Variants in SPIDR observed in about 807,000 individuals in gnomAD.
The protein encoded by SPIDR is DNA repair-scaffolding protein.
Under a neutral mutation model 104.6 loss-of-function variants are expected in SPIDR, and 93 were observed. The observed-to-expected ratio is 0.89, with a 90% CI of 0.75 to 1.06. The LOEUF is 1.06. SPIDR is among the 50% of genes least tolerant of loss of function. SPIDR has a pLI of 0.00. For missense variants in SPIDR, 1,154 were observed against 1,111.2 expected (o/e 1.04, Z -0.55); for synonymous variants, 431 against 416.9 (o/e 1.03, Z -0.41).
intron 5 of SPIDR, among the ~76,000 whole-genome samples, chr8:47,382,937 T>C (rs1331538219): frequency 6.6e-6 from 1 of 152,194 alleles, no homozygotes; most frequent in Non-Finnish European, 1.5e-5. Flanking sequence ...GACTGCCCAG[T>C]ATTACAGATT....
At chr8:47,410,791 T>G (rs1376876141) in intron 7 of SPIDR, among the ~76,000 whole-genome samples, 2 of 152,140 alleles carry the variant, frequency 1.3e-5, no homozygotes, top group Non-Finnish European at 2.9e-5. Flanking sequence ...ATATATCTCC[T>G]AATGTTATCC....
chr8:47,493,140 T>A (rs1487782073), intron 8 of SPIDR, among the ~76,000 whole-genome samples: 3 of 151,982 alleles, frequency 2.0e-5, no homozygotes, highest in African/African-American at 7.2e-5. Context: ...TATACATAGG[T>A]TTGTTCTATC....
In SPIDR at chr8:47,592,071, A is replaced by G; in HGVS notation, c.1098-3740A>G. ...CAGTAATGTTTCTAAGACTGTGTCC[A>G]TTAAATGCAAACAAAAAGGAGGAAG... On this transcript the variant is annotated intron_variant, in intron 8 of 19. Transcript: ENST00000297423. The G allele has an allele frequency of 2.6e-6, 3 of 1,142,270 alleles. No homozygotes were observed. The South Asian group carries it at 3.9e-5, about 15-fold the overall frequency. The allele number at this position is 1,142,270 out of a possible 1,614,324, so 70.8% of individuals were successfully genotyped here. A position where few individuals can be genotyped will look rare whatever the true frequency, so the allele number is the denominator to read the frequency against.
At chr8:47,416,287 C>T (rs760450982) in intron 7 of SPIDR, among the ~76,000 whole-genome samples, 1 of 152,044 alleles carries the variant, frequency 6.6e-6, no homozygotes, top group Non-Finnish European at 1.5e-5. Context: ...TAGTTTATAA[C>T]CTTTTGGGAT....
intron 10 of SPIDR, among the ~76,000 whole-genome samples, chr8:47,601,179 A>G (rs2062230164): frequency 6.6e-6 from 1 of 152,348 alleles, no homozygotes. Flanking sequence ...CAAGAAAACA[A>G]CATCCAGTTA....
At chr8:47,412,392 C>T (rs374232340) in intron 7 of SPIDR, among the ~76,000 whole-genome samples, 3 of 152,324 alleles carry the variant, frequency 2.0e-5, no homozygotes, top group East Asian at 3.9e-4. Flanking sequence ...TTGAATGCCA[C>T]AGGGACCATG....
intron 8 of SPIDR, among the ~76,000 whole-genome samples, chr8:47,588,127 G>C (rs2060523136): frequency 7.9e-6 from 1 of 126,330 alleles, no homozygotes; most frequent in African/African-American, 3.0e-5. Context: ...TGGAATTGAT[G>C]GGAATTTCTT....
chr8:47,729,191 C>G, intron 18 of SPIDR, 144 bp downstream of exon 18: 1 of 1,519,948 alleles, frequency 6.6e-7, no homozygotes, highest in Non-Finnish European at 8.8e-7. Context: ...CTGGAACTCC[C>G]TCTAGGTCCT....
chr8:47,578,002 A>G (rs531173371), intron 8 of SPIDR, among the ~76,000 whole-genome samples: 3 of 152,318 alleles, frequency 2.0e-5, no homozygotes, highest in Admixed American at 6.5e-5. Flanking sequence ...AAGAGTGGGA[A>G]TGTATTTAGA....
At position 47,396,303 on chromosome 8, in the gene SPIDR, T is replaced by C. The variant is rs139083896; in HGVS notation, c.526-73T>C. The C allele has an allele frequency of 8.8e-4, 1,065 of 1,216,538 alleles. 8 individuals are homozygous for C. The African/African-American group carries it at 0.014, about 17-fold the overall frequency. 75.4% of individuals were successfully genotyped at this position (1,216,538 alleles called of 1,614,324 possible). A position where few individuals can be genotyped will look rare whatever the true frequency, so the allele number is the denominator to read the frequency against. ...AACTGTAAGGGAATGGAATGATAGA[T>C]GTATATAAATGTGGACTTGAATAAA... On this transcript the variant is annotated intron_variant, in intron 5 of 19. Coordinates refer to ENST00000297423, the MANE Select transcript of SPIDR (RefSeq NM_001080394.4).
At chr8:47,418,183 G>A (rs1325230656) in intron 7 of SPIDR, among the ~76,000 whole-genome samples, 5 of 152,142 alleles carry the variant, frequency 3.3e-5, no homozygotes, top group African/African-American at 7.2e-5. Context: ...GCTTGATGGG[G>A]ATAGCACTGA....
In SPIDR at chr8:47,548,466, G is replaced by A. The variant is rs2089857789; in HGVS notation, c.1098-47345G>A. On this transcript the variant is annotated intron_variant, in intron 8 of 19. Coordinates refer to ENST00000297423, the MANE Select transcript of SPIDR (RefSeq NM_001080394.4). ...AGTTCGAGACCAGCCTGGCCAACAT[G>A]GTGAAACCCTGTCTCTACTAAAAAT... 2.6e-5 allele frequency among the ~76,000 whole-genome samples: 4 copies of A among 152,190 alleles called. No homozygotes were observed. In the South Asian group the frequency reaches 8.3e-4, roughly 32 times the overall value.
At chr8:47,531,585 T>C (rs945025862) in intron 8 of SPIDR, among the ~76,000 whole-genome samples, 6 of 152,250 alleles carry the variant, frequency 3.9e-5, no homozygotes, top group Non-Finnish European at 7.3e-5. Context: ...AAGGAGCCTG[T>C]TGAGGTCTGT....
At chr8:47,448,620 G>A (rs2071126632) in intron 8 of SPIDR, among the ~76,000 whole-genome samples, 1 of 152,080 alleles carries the variant, frequency 6.6e-6, no homozygotes, top group Non-Finnish European at 1.5e-5. Context: ...CCAGTAGGTA[G>A]GTCAGTAGGG....
At chr8:47,592,918 C>G (rs887683024) in intron 8 of SPIDR, among the ~76,000 whole-genome samples, 3 of 151,920 alleles carry the variant, frequency 2.0e-5, no homozygotes, top group Admixed American at 2.0e-4. Context: ...AGGAGTTTTG[C>G]TTTTGTTGCC....
At chr8:47,335,450 T>C (rs1400687422) in intron 5 of SPIDR, among the ~76,000 whole-genome samples, 1 of 152,152 alleles carries the variant, frequency 6.6e-6, no homozygotes, top group African/African-American at 2.4e-5. Context: ...TTTTGTTTGT[T>C]TGTTTTGGTT....
chr8:47,676,511 T>A (rs1383181248), intron 11 of SPIDR, among the ~76,000 whole-genome samples: 1 of 126,748 alleles, frequency 7.9e-6, no homozygotes, highest in Non-Finnish European at 1.9e-5. Flanking sequence ...AACACAACAT[T>A]CTCTCTCTTT....
chr8:47,291,191 C>A, intron 4 of SPIDR, 54 bp downstream of exon 4: 3 of 1,236,558 alleles, frequency 2.4e-6, no homozygotes, highest in African/African-American at 1.5e-5. Flanking sequence ...CATATTGTGT[C>A]CAGAAGATCA....
At chr8:47,662,460 C>A (rs2074272202) in intron 10 of SPIDR, among the ~76,000 whole-genome samples, 1 of 152,166 alleles carries the variant, frequency 6.6e-6, no homozygotes, top group African/African-American at 2.4e-5. Context: ...CCAATGAGCA[C>A]TACTTTGCAC....
Sources: gnomAD v4.1 joint callset for allele counts (sites outside exome capture counted in the v4.1 genomes callset) on GRCh38, gnomAD v4.1.1 for gene constraint, MANE v1.5 for transcripts, NCBI Gene and HGNC (gene_info 2026-07-23, HGNC 2026-07-21) for gene names.